ANKS3: variants seen among roughly 807,000 people sequenced by gnomAD.
ANKS3 encodes ankyrin repeat and SAM domain-containing protein 3.
A neutral mutation model predicts 80.7 loss-of-function variants in ANKS3; 62 were observed. The ratio of observed to expected loss-of-function variants is 0.77; its 90% CI spans 0.63 to 0.95. The LOEUF (loss-of-function observed/expected upper bound fraction) is 0.95. ANKS3 is among the 40% of genes least tolerant of loss of function. ANKS3 has a pLI of 0.00. For synonymous variants in ANKS3, 489 were observed against 355.3 expected (o/e 1.38, Z -4.23); for missense variants, 1,150 against 883.6 (o/e 1.30, Z -3.82).
At chr16:4,714,943 G>C (rs1201745452) in intron 6 of ANKS3, among the ~76,000 whole-genome samples, 1 of 120,100 alleles carries the variant, frequency 8.3e-6, no homozygotes, top group African/African-American at 3.2e-5. Flanking sequence ...AGTGAGCTGA[G>C]ATCATGCCAC....
At chr16:4,712,989 G>A (rs2080576616) in intron 7 of ANKS3, among the ~76,000 whole-genome samples, 1 of 152,188 alleles carries the variant, frequency 6.6e-6, no homozygotes, top group South Asian at 2.1e-4. Context: ...AGTTTGCAGG[G>A]CTGAGTGCAG....
intron 8 of ANKS3, among the ~76,000 whole-genome samples, chr16:4,704,246 C>T (rs2080071325): frequency 6.6e-6 from 1 of 152,174 alleles, no homozygotes; most frequent in Non-Finnish European, 1.5e-5. Context: ...CTGCTTGTTC[C>T]TGGGGTCTAG....
chr16:4,707,563 TG>T (rs1567345815), intron 7 of ANKS3, among the ~76,000 whole-genome samples: 1 of 152,170 alleles, frequency 6.6e-6, no homozygotes, highest in Non-Finnish European at 1.5e-5. Flanking sequence ...ATTACAGGTA[TG>T]GGCCATGCCC....
intron 7 of ANKS3, among the ~76,000 whole-genome samples, chr16:4,712,084 G>A (rs2080520402): frequency 6.6e-6 from 1 of 152,030 alleles, no homozygotes. Context: ...GAAAAGTATA[G>A]ACCACGCCGG....
intron 7 of ANKS3, among the ~76,000 whole-genome samples, chr16:4,711,636 T>G (rs2080489400): frequency 6.7e-6 from 1 of 148,800 alleles, no homozygotes; most frequent in South Asian, 2.1e-4. Flanking sequence ...GAGAATCACT[T>G]GAACCCGGGA....
chr16:4,710,702 C>G (rs1044425633), intron 7 of ANKS3, among the ~76,000 whole-genome samples: 1 of 151,750 alleles, frequency 6.6e-6, no homozygotes, highest in Non-Finnish European at 1.5e-5. Context: ...AAAGCAAGAC[C>G]CTGTCACAAA....
At position 4,697,394 on chromosome 16, in the gene ANKS3, G is replaced by A; in HGVS notation, c.1833C>T (p.Ser611=). The change falls in exon 16 of 18, where the codon TCC becomes TCT. Residue 611 remains serine (S), a synonymous_variant. Transcript: ENST00000304283. ...GCTCGGGGAGGCTCATGGCCTGCAGGGACGCTTGCCAGCCCTTGGAGTCTG... is the reference window on the plus strand; with the variant it reads ...GCTCGGGGAGGCTCATGGCCTGCAGAGACGCTTGCCAGCCCTTGGAGTCTG... ...PPADSKGWQA[S]LQAMSLPELS... 1 of 1,608,920 alleles carries A rather than the reference G, an allele frequency of 6.2e-7. No individual in the cohort carries two copies. Among genetic ancestry groups the A allele is most frequent in the Non-Finnish European group, 8.5e-7 (1 of 1,178,106 alleles).
intron 7 of ANKS3, among the ~76,000 whole-genome samples, chr16:4,712,817 G>A (rs1000036840): frequency 6.6e-6 from 1 of 152,066 alleles, no homozygotes; most frequent in Non-Finnish European, 1.5e-5. Context: ...ACAAAAGAAC[G>A]GTGCAATTCA....
Position 4,701,529 on chromosome 16 carries a change from A to G in ANKS3, c.1024T>C (p.Cys342Arg). The G allele has an allele frequency of 6.2e-7, 1 of 1,610,698 alleles. No homozygotes were observed. Among genetic ancestry groups the G allele is most frequent in the Non-Finnish European group, 8.5e-7 (1 of 1,178,266 alleles). Residue 342 changes from cysteine (C) to arginine (R), a missense_variant, in exon 10 of 18, where the codon TGT becomes CGT. Transcript: ENST00000304283. ...SSSSREEHAFCANLGPVQSSS... is the reference protein window; with the variant it reads ...SSSSREEHAFRANLGPVQSSS... ...CTCTGGACGGGCCCCAGGTTGGCAC[A>G]GAAAGCATGTTCCTCTGAGGGCGGG...
intron 6 of ANKS3, among the ~76,000 whole-genome samples, chr16:4,723,924 G>A (rs1421272134): frequency 6.6e-6 from 1 of 152,056 alleles, no homozygotes; most frequent in Non-Finnish European, 1.5e-5. Context: ...GCCGGGGCAT[G>A]GTAGCATGCA....
At chr16:4,720,745 T>C (rs1025574620) in intron 6 of ANKS3, among the ~76,000 whole-genome samples, 10 of 149,508 alleles carry the variant, frequency 6.7e-5, no homozygotes, top group African/African-American at 2.4e-4. Flanking sequence ...TTCAAGACCA[T>C]CCTGACCAAC....
chr16:4,702,710 G>A (rs1272921935), intron 8 of ANKS3, among the ~76,000 whole-genome samples: 1 of 152,064 alleles, frequency 6.6e-6, no homozygotes, highest in African/African-American at 2.4e-5. Context: ...GGCTGAGCAG[G>A]AAGGAAAAAG....
chr16:4,711,737 A>AAAG (rs1555470472), intron 7 of ANKS3, among the ~76,000 whole-genome samples: 1 of 150,032 alleles, frequency 6.7e-6, no homozygotes, highest in Non-Finnish European at 1.5e-5. Flanking sequence ...AAAAAAAAAA[A>AAAG]GGGAGAAAAT....
At chr16:4,717,780 TACAA>T (rs2142105837) in intron 6 of ANKS3, among the ~76,000 whole-genome samples, 1 of 151,814 alleles carries the variant, frequency 6.6e-6, no homozygotes, top group South Asian at 2.1e-4. Flanking sequence ...TCCCTGGGAT[TACAA>T]ACACACACCA....
At chr16:4,700,592 T>G (rs2079844781) in intron 11 of ANKS3, 1 of 367,302 alleles carries the variant, frequency 2.7e-6, no homozygotes, top group Non-Finnish European at 5.3e-6. Context: ...AGGAGGAGGA[T>G]GGTGGCAGCT....
chr16:4,716,794 T>C (rs2080824249), intron 6 of ANKS3, among the ~76,000 whole-genome samples: 1 of 151,620 alleles, frequency 6.6e-6, no homozygotes, highest in African/African-American at 2.4e-5. Flanking sequence ...TGCGTGCCTG[T>C]ATCCCAGCTA....
rs1316372478 is a variant in ANKS3, at chr16:4,697,434, G to A, written c.1811-18C>T. 5 of 1,577,980 alleles carry A rather than the reference G, an allele frequency of 3.2e-6. No individual in the cohort carries two copies. Among genetic ancestry groups the A allele is most frequent in the South Asian group, 2.3e-5 (2 of 88,332 alleles). On this transcript the variant is annotated intron_variant, in intron 15 of 17. Coordinates refer to ENST00000304283, the MANE Select transcript of ANKS3 (RefSeq NM_133450.4). ...CTTGGAGTCTGTGGTGCAGGTGCAG[G>A]GACCGAGTTAGCTGGGGGTCTGCGT...
intron 11 of ANKS3, 196 bp downstream of exon 11, chr16:4,700,774 C>G (rs747094832): frequency 5.0e-6 from 4 of 807,736 alleles, no homozygotes; most frequent in Non-Finnish European, 8.7e-6. Flanking sequence ...TGGAGAGGAA[C>G]AGAGTAGAAG....
intron 16 of ANKS3, 57 bp from the exon 17 acceptor site, chr16:4,697,161 C>G: frequency 6.3e-7 from 1 of 1,592,372 alleles, no homozygotes; most frequent in Non-Finnish European, 8.6e-7. Flanking sequence ...CTGGGTGGTG[C>G]TGCCCCGGGG....
Sources: gnomAD v4.1 joint callset for allele counts (sites outside exome capture counted in the v4.1 genomes callset) on GRCh38, gnomAD v4.1.1 for gene constraint, MANE v1.5 for transcripts, NCBI Gene and HGNC (gene_info 2026-07-23, HGNC 2026-07-21) for gene names.